TIAM1: variants seen among roughly 807,000 people sequenced by gnomAD.
TIAM1 encodes TIAM Rac1 associated GEF 1.
TIAM1 carries 65 observed loss-of-function variants against 163.5 expected under a neutral mutation model. The ratio of observed to expected loss-of-function variants is 0.40; its 90% CI spans 0.33 to 0.49. The LOEUF is 0.49. Among genes scored for constraint, TIAM1 ranks in the 20% least tolerant of loss-of-function variants. TIAM1 has a pLI of 0.77. For synonymous variants in TIAM1, 833 were observed against 810.1 expected, an observed-to-expected ratio of 1.03 and a Z score of -0.48; for missense variants, 1,789 against 2,044.7, an observed-to-expected ratio of 0.87 and a Z score of 2.41.
At chr21:31,146,198 C>T (rs139393696) in intron 20 of TIAM1, among the ~76,000 whole-genome samples, 4 of 152,142 alleles carry the variant, frequency 2.6e-5, no homozygotes, top group South Asian at 2.1e-4. Context: ...TGTAGGAGGC[C>T]GAGGTGGGCG....
intron 1 of TIAM1, among the ~76,000 whole-genome samples, chr21:31,471,102 C>T (rs750549757): frequency 1.3e-5 from 2 of 152,224 alleles, no homozygotes; most frequent in East Asian, 1.9e-4. Flanking sequence ...TGAAAACCTC[C>T]GGGCTGCTGA....
In TIAM1 at chr21:31,118,664, T is replaced by C; in HGVS notation, c.*1704A>G. 2.1e-6 allele frequency: 1 copy of C among 471,220 alleles called. No individual in the cohort carries two copies. The highest frequency in any genetic ancestry group is 6.9e-5 in the East Asian group (1 of 14,396). The allele number at this position is 471,220 out of a possible 1,614,324, so 29.2% of individuals were successfully genotyped here. ...GACGATTAGAAGCCTCTGCTTCCGT[T>C]TTCCATCTGGACGCGATCGAACCGG... On this transcript the variant is annotated 3_prime_UTR_variant, in exon 28 of 28. Coordinates refer to ENST00000541036, the MANE Select transcript of TIAM1 (RefSeq NM_001353694.2).
At chr21:31,231,779 G>A (rs2088450085) in intron 6 of TIAM1, among the ~76,000 whole-genome samples, 1 of 152,114 alleles carries the variant, frequency 6.6e-6, no homozygotes, top group Non-Finnish European at 1.5e-5. Context: ...ACTTTGGGAG[G>A]CCAAGGTGGG....
intron 6 of TIAM1, among the ~76,000 whole-genome samples, chr21:31,227,809 G>A (rs1365283664): frequency 1.3e-5 from 2 of 152,146 alleles, no homozygotes; most frequent in African/African-American, 4.8e-5. Context: ...TCTAATGAGA[G>A]CACCAAGCTT....
At chr21:31,155,060 CCTT>C (rs1318738826) in intron 16 of TIAM1, among the ~76,000 whole-genome samples, 2 of 152,210 alleles carry the variant, frequency 1.3e-5, no homozygotes, top group Non-Finnish European at 2.9e-5. Context: ...ATACCACTCC[CCTT>C]TAAGAATAAC....
intron 8 of TIAM1, among the ~76,000 whole-genome samples, chr21:31,218,566 C>T (rs1274041969): frequency 1.4e-5 from 2 of 140,756 alleles, no homozygotes; most frequent in Non-Finnish European, 3.0e-5. Context: ...GAGACTCTTT[C>T]TCAAAAAAAA....
At chr21:31,394,724 TCTCTCACACACACACACACACACACA>T (rs2077029179) in intron 2 of TIAM1, among the ~76,000 whole-genome samples, 3 of 128,796 alleles carry the variant, frequency 2.3e-5, no homozygotes, top group Non-Finnish European at 4.9e-5. Flanking sequence ...TCTCTCTCTC[TCTCTCACACACACACACACACACACA>T]CACACACACA....
intron 8 of TIAM1, among the ~76,000 whole-genome samples, chr21:31,221,552 G>C (rs530609067): frequency 2.6e-5 from 4 of 152,364 alleles, no homozygotes; most frequent in African/African-American, 9.6e-5. Flanking sequence ...TTATGGAAGA[G>C]TAAAACGGTA....
intron 16 of TIAM1, among the ~76,000 whole-genome samples, chr21:31,164,377 G>A (rs112052717): frequency 0.046 from 6,674 of 144,686 alleles, 446 homozygotes; most frequent in African/African-American, 0.16. Context: ...GCGACAGAGC[G>A]AGACTCCATC....
chr21:31,474,546 CTTT>C (rs33930958), intron 1 of TIAM1, among the ~76,000 whole-genome samples: 151 of 141,854 alleles, frequency 1.1e-3, no homozygotes, highest in African/African-American at 1.1e-3. Flanking sequence ...AACCTTTAGT[CTTT>C]TTTTTTTTTT....
intron 1 of TIAM1, among the ~76,000 whole-genome samples, chr21:31,472,677 C>T (rs1246133673): frequency 6.6e-6 from 1 of 152,188 alleles, no homozygotes; most frequent in Non-Finnish European, 1.5e-5. Context: ...AGCCCATGAG[C>T]CTACTACTAC....
chr21:31,332,562 T>C (rs1429294498), intron 2 of TIAM1, among the ~76,000 whole-genome samples: 6 of 152,032 alleles, frequency 3.9e-5, no homozygotes, highest in African/African-American at 1.4e-4. Context: ...CATACATGAC[T>C]GAGCTTACCA....
intron 1 of TIAM1, among the ~76,000 whole-genome samples, chr21:31,342,612 T>C (rs1209723481): frequency 1.3e-5 from 2 of 152,212 alleles, no homozygotes; most frequent in African/African-American, 4.8e-5. Flanking sequence ...TTTGGTTGTC[T>C]TTCCTGTTGA....
At chr21:31,506,545 T>C (rs2047035187) in intron 1 of TIAM1, among the ~76,000 whole-genome samples, 2 of 152,216 alleles carry the variant, frequency 1.3e-5, no homozygotes, top group Admixed American at 1.3e-4. Flanking sequence ...TCACATAGTA[T>C]TTCTCTTTCT....
At chr21:31,510,275 G>C (rs1003925439) in intron 1 of TIAM1, among the ~76,000 whole-genome samples, 1 of 152,184 alleles carries the variant, frequency 6.6e-6, no homozygotes, top group African/African-American at 2.4e-5. Context: ...CTTTCTCGCT[G>C]TGTCCTCACA....
chr21:31,423,700 T>TAAAA (rs200137644), intron 2 of TIAM1, among the ~76,000 whole-genome samples: 137 of 48,228 alleles, frequency 2.8e-3, no homozygotes, highest in African/African-American at 5.5e-3. Context: ...TAGAAAGTTG[T>TAAAA]AAAAAAAAAA....
Position 31,119,622 on chromosome 21 carries a change from T to C in TIAM1, c.*746A>G, listed in dbSNP as rs574317401. Reference sequence around the variant, plus strand: ...GGCTCAGGGATACATACACTAACACTGTAAAATTCTCATCTATTTGTGCCC... The same window carrying C: ...GGCTCAGGGATACATACACTAACACCGTAAAATTCTCATCTATTTGTGCCC... On this transcript the variant is annotated 3_prime_UTR_variant, in exon 28 of 28. Coordinates refer to ENST00000541036, the MANE Select transcript of TIAM1 (RefSeq NM_001353694.2). 6.6e-6 allele frequency: 1 copy of C among 152,626 alleles called. No individual in the cohort carries two copies. The highest frequency in any genetic ancestry group is 1.5e-5 in the Non-Finnish European group (1 of 68,028). 9.5% of individuals were successfully genotyped at this position (152,626 alleles called of 1,614,324 possible). A position where few individuals can be genotyped will look rare whatever the true frequency, so the allele number is the denominator to read the frequency against.
At chr21:31,158,102 A>G (rs1485379285) in intron 16 of TIAM1, among the ~76,000 whole-genome samples, 1 of 152,152 alleles carries the variant, frequency 6.6e-6, no homozygotes, top group Non-Finnish European at 1.5e-5. Context: ...TAAGTTTACC[A>G]CGCCTGAGGT....
intron 16 of TIAM1, among the ~76,000 whole-genome samples, chr21:31,157,367 A>G (rs535952123): frequency 5.9e-5 from 9 of 152,366 alleles, no homozygotes; most frequent in African/African-American, 2.2e-4. Flanking sequence ...ACCATCATGC[A>G]GTTCAAAAAC....
Sources: gnomAD v4.1 joint callset for allele counts (sites outside exome capture counted in the v4.1 genomes callset) on GRCh38, gnomAD v4.1.1 for gene constraint, MANE v1.5 for transcripts, NCBI Gene and HGNC (gene_info 2026-07-23, HGNC 2026-07-21) for gene names.